The following POU2AF1 variants were observed in gnomAD, a reference collection of about 807,000 sequenced individuals.
The protein encoded by POU2AF1 is POU class 2 homeobox associating factor 1.
In POU2AF1, 12 loss-of-function variants were observed where a neutral mutation model predicts 26.3. That is an observed-to-expected ratio of 0.46 (90% CI 0.29 to 0.74). The LOEUF (loss-of-function observed/expected upper bound fraction) is 0.74. Ranked by LOEUF, POU2AF1 falls within the 30% of genes least tolerant of loss-of-function variation. The pLI is 0.09. For synonymous variants in POU2AF1, 175 were observed against 148.0 expected (o/e 1.18, Z -1.32); for missense variants, 297 against 334.5 (o/e 0.89, Z 0.87).
chr11:111,370,667 GA>G, intron 1 of POU2AF1, among the ~76,000 whole-genome samples: 1 of 152,244 alleles, frequency 6.6e-6, no homozygotes, highest in Admixed American at 6.5e-5. Context: ...GATTTGGTTT[GA>G]ATAAGGGAGT....
chr11:111,363,987 C>G, intron 1 of POU2AF1: 2 of 985,344 alleles, frequency 2.0e-6, no homozygotes, highest in Non-Finnish European at 2.4e-6. Context: ...CCTTTCTATA[C>G]CACTGGAAGT....
At chr11:111,355,611 C>A (rs1023994749) in intron 4 of POU2AF1, among the ~76,000 whole-genome samples, 2 of 152,152 alleles carry the variant, frequency 1.3e-5, no homozygotes, top group Non-Finnish European at 2.9e-5. Context: ...TGTTAGAACG[C>A]AGCTTCTGGC....
At chr11:111,359,170 C>T (rs994161178) in intron 1 of POU2AF1, 21 of 601,694 alleles carry the variant, frequency 3.5e-5, no homozygotes, top group African/African-American at 3.0e-4. Context: ...GAATGAGATC[C>T]GAACCCATTT....
chr11:111,359,070 G>C (rs912544250), intron 1 of POU2AF1, 152 bp from the exon 2 acceptor site: 1 of 1,334,138 alleles, frequency 7.5e-7, no homozygotes, highest in Non-Finnish European at 9.9e-7. Context: ...CTCCAGTATT[G>C]TCACTCCTCC....
chr11:111,376,091 A>G (rs1861305749), intron 1 of POU2AF1, among the ~76,000 whole-genome samples: 1 of 152,220 alleles, frequency 6.6e-6, no homozygotes, highest in Admixed American at 6.5e-5. Flanking sequence ...CTGATCATTC[A>G]AGATGGGCCC....
In POU2AF1 at chr11:111,375,589, C is replaced by T. The variant is rs529439741; in HGVS notation, c.16+3573G>A. Among the ~76,000 whole-genome samples, 13 of 151,814 alleles carry T rather than the reference C, an allele frequency of 8.6e-5. No homozygotes were observed. In the East Asian group the frequency reaches 9.7e-4, roughly 11 times the overall value. On this transcript the variant is annotated intron_variant, in intron 1 of 4. Transcript: ENST00000393067. ...AATTTTTTTGTATTTTTAGTAGAGACGGGGTTTCACCATGTTAGCCAGGAT... is the reference window on the plus strand; with the variant it reads ...AATTTTTTTGTATTTTTAGTAGAGATGGGGTTTCACCATGTTAGCCAGGAT...
intron 1 of POU2AF1, among the ~76,000 whole-genome samples, chr11:111,371,298 T>C (rs1861205093): frequency 6.6e-6 from 1 of 152,238 alleles, no homozygotes; most frequent in African/African-American, 2.4e-5. Flanking sequence ...GTGGTACTAA[T>C]GAAACTGTTA....
At chr11:111,367,946 G>A (rs528209752) in intron 1 of POU2AF1, among the ~76,000 whole-genome samples, 21 of 152,294 alleles carry the variant, frequency 1.4e-4, no homozygotes, top group African/African-American at 4.3e-4. Context: ...AGCAGAAAGG[G>A]TTCGCAGATA....
chr11:111,356,430 G>C (rs995655475), intron 4 of POU2AF1, among the ~76,000 whole-genome samples: 6 of 152,194 alleles, frequency 3.9e-5, no homozygotes, highest in African/African-American at 1.4e-4. Context: ...GATGACACTG[G>C]ACCCTGGAGG....
At chr11:111,362,251 C>T (rs1373239964) in intron 1 of POU2AF1, among the ~76,000 whole-genome samples, 1 of 152,232 alleles carries the variant, frequency 6.6e-6, no homozygotes, top group Non-Finnish European at 1.5e-5. Flanking sequence ...AATGCACACT[C>T]ATCACATCAG....
At chr11:111,360,308 G>T (rs1860980499) in intron 1 of POU2AF1, among the ~76,000 whole-genome samples, 1 of 152,176 alleles carries the variant, frequency 6.6e-6, no homozygotes, top group Non-Finnish European at 1.5e-5. Context: ...AGTCCCGGAA[G>T]CCTAGGTATC....
chr11:111,367,120 C>T (rs570509988), intron 1 of POU2AF1, among the ~76,000 whole-genome samples: 197 of 152,288 alleles, frequency 1.3e-3, no homozygotes, highest in African/African-American at 4.4e-3. Context: ...TCTAACCCTT[C>T]CCTCACAGGC....
At chr11:111,363,092 C>T (rs920144317) in intron 1 of POU2AF1, 4 of 991,944 alleles carry the variant, frequency 4.0e-6, no homozygotes, top group African/African-American at 1.7e-5. Context: ...GTATCACCCT[C>T]TAATGTCTGG....
chr11:111,358,182 C>T (rs1860891259), intron 2 of POU2AF1, among the ~76,000 whole-genome samples: 1 of 152,078 alleles, frequency 6.6e-6, no homozygotes, highest in Non-Finnish European at 1.5e-5. Context: ...ATCCCAGTTG[C>T]TCCACCCTAG....
At chr11:111,356,814 C>A (rs939663812) in intron 4 of POU2AF1, among the ~76,000 whole-genome samples, 1 of 152,178 alleles carries the variant, frequency 6.6e-6, no homozygotes, top group African/African-American at 2.4e-5. Flanking sequence ...GACAACGACC[C>A]TTTTCTTGGT....
At position 111,366,644 on chromosome 11, in the gene POU2AF1, T is replaced by G. The variant is rs956514437; in HGVS notation, c.17-7726A>C. 1.1e-4 allele frequency among the ~76,000 whole-genome samples: 16 copies of G among 152,098 alleles called. No homozygotes were observed. The East Asian group carries it at 3.1e-3, about 29-fold the overall frequency. Reference sequence around the variant, plus strand: ...ATCTCACTCATCAACCATAGGCAGGTCCCCTGGGAAAGGCTGAACCAGGGT... The same window carrying G: ...ATCTCACTCATCAACCATAGGCAGGGCCCCTGGGAAAGGCTGAACCAGGGT... On this transcript the variant is annotated intron_variant, in intron 1 of 4. Coordinates refer to ENST00000393067, the MANE Select transcript of POU2AF1 (RefSeq NM_006235.3).
In POU2AF1 at chr11:111,354,433, A is replaced by C. The variant is rs753440484; in HGVS notation, c.599T>G (p.Leu200Arg). The change falls in exon 5 of 5, where the codon CTA becomes CGA. Residue 200 changes from leucine (L) to arginine (R), a missense_variant. Leu to Arg is a moderately radical substitution (Grantham distance 102). Transcript: ENST00000393067. ...TLQYQPPAPALPGPQFVQLPI... is the reference protein window; with the variant it reads ...TLQYQPPAPARPGPQFVQLPI... ...GAGCTGGACAAACTGGGGCCCAGGTAGGGCTGGGGCCGGAGGCTGGTACTG... is the reference window on the plus strand; with the variant it reads ...GAGCTGGACAAACTGGGGCCCAGGTCGGGCTGGGGCCGGAGGCTGGTACTG... 6.8e-6 allele frequency: 11 copies of C among 1,613,952 alleles called. No individual in the cohort carries two copies. The African/African-American group carries it at 1.5e-4, about 22-fold the overall frequency.
intron 1 of POU2AF1, among the ~76,000 whole-genome samples, chr11:111,372,045 C>CAG (rs1389144842): frequency 7.8e-6 from 1 of 127,578 alleles, no homozygotes; most frequent in Non-Finnish European, 1.7e-5. Flanking sequence ...CACACACACA[C>CAG]ACACACACAC....
rs536462506 is a variant in POU2AF1, at chr11:111,364,740, CCACCATCT to C, written c.17-5830_17-5823del. Among the ~76,000 whole-genome samples, 19 of 152,324 alleles carry C rather than the reference CCACCATCT, an allele frequency of 1.2e-4. No individual in the cohort carries two copies. The South Asian group carries it at 3.9e-3, about 32-fold the overall frequency. ...TGCAGGATAAGCATGCATTTCCGTC[CCACCATCT>C]CACCTACTGAGAGTACTCTCCATTC... On this transcript the variant is annotated intron_variant, in intron 1 of 4. Transcript: ENST00000393067.
Sources: gnomAD v4.1 joint callset for allele counts (sites outside exome capture counted in the v4.1 genomes callset) on GRCh38, gnomAD v4.1.1 for gene constraint, MANE v1.5 for transcripts, NCBI Gene and HGNC (gene_info 2026-07-23, HGNC 2026-07-21) for gene names.